ELP4: variants seen among roughly 807,000 people sequenced by gnomAD.
ELP4 encodes elongator complex protein 4.
Under a neutral mutation model 48.9 loss-of-function variants are expected in ELP4, and 51 were observed. That is an observed-to-expected ratio of 1.04 (90% CI 0.83 to 1.32). The LOEUF (loss-of-function observed/expected upper bound fraction) is 1.32, where lower values mean the gene tolerates loss of function less well. Ranked by LOEUF, ELP4 falls within the 40% of genes most tolerant of loss-of-function variation. ELP4 has a pLI of 0.00. For synonymous variants in ELP4, 210 were observed against 189.2 expected (o/e 1.11, Z -0.90); for missense variants, 519 against 514.6 (o/e 1.01, Z -0.08).
intron 9 of ELP4, among the ~76,000 whole-genome samples, chr11:31,750,681 C>T (rs905598969): frequency 6.6e-6 from 1 of 152,112 alleles, no homozygotes; most frequent in Non-Finnish European, 1.5e-5. Context: ...TTCCTCAGAG[C>T]CCTGAAACAG....
chr11:31,672,494 A>C (rs1027436604), intron 9 of ELP4, among the ~76,000 whole-genome samples: 1 of 152,184 alleles, frequency 6.6e-6, no homozygotes, highest in African/African-American at 2.4e-5. Context: ...ATGTGAATTG[A>C]AAGTAATAAT....
chr11:31,547,313 G>C (rs527693272), intron 3 of ELP4, among the ~76,000 whole-genome samples: 18 of 152,068 alleles, frequency 1.2e-4, no homozygotes, highest in African/African-American at 4.3e-4. Context: ...TATCACCACC[G>C]ATCCCACAGA....
chr11:31,750,965 A>C (rs1229183869), intron 9 of ELP4, among the ~76,000 whole-genome samples: 1 of 152,226 alleles, frequency 6.6e-6, no homozygotes, highest in East Asian at 1.9e-4. Context: ...ACAGAAGAGA[A>C]TTCTTCAGGC....
intron 9 of ELP4, chr11:31,663,639 A>G (rs2134094146): frequency 6.6e-6 from 1 of 152,158 alleles, no homozygotes; most frequent in Admixed American, 6.5e-5. Context: ...AGTCAAATTA[A>G]AACAGTAAGT....
At chr11:31,776,616 A>G (rs1490360005) in intron 9 of ELP4, among the ~76,000 whole-genome samples, 1 of 152,192 alleles carries the variant, frequency 6.6e-6, no homozygotes, top group Non-Finnish European at 1.5e-5. Context: ...TCTTTCAGAG[A>G]GGTGAATTTG....
At chr11:31,742,765 A>G (rs1024852711) in intron 9 of ELP4, among the ~76,000 whole-genome samples, 7 of 152,348 alleles carry the variant, frequency 4.6e-5, no homozygotes, top group Middle Eastern at 3.4e-3. Context: ...AAACATGGAA[A>G]GGATCAACCA....
intron 9 of ELP4, among the ~76,000 whole-genome samples, chr11:31,658,824 T>G (rs1945492782): frequency 6.6e-6 from 1 of 152,034 alleles, no homozygotes; most frequent in Non-Finnish European, 1.5e-5. Context: ...TTTTTCAAAT[T>G]TCTAATTTTT....
intron 9 of ELP4, chr11:31,654,123 A>C (rs1470446165): frequency 6.6e-6 from 1 of 151,804 alleles, no homozygotes; most frequent in East Asian, 1.9e-4. Context: ...ACCATCCATT[A>C]AGGTTTTCAC....
intron 9 of ELP4, among the ~76,000 whole-genome samples, chr11:31,673,979 A>C (rs1000326413): frequency 2.0e-5 from 3 of 152,232 alleles, no homozygotes; most frequent in Non-Finnish European, 4.4e-5. Context: ...ATGTTAGAGA[A>C]CTGCTTGCTT....
intron 9 of ELP4, among the ~76,000 whole-genome samples, chr11:31,695,474 A>C (rs1946381602): frequency 6.6e-6 from 1 of 151,862 alleles, no homozygotes; most frequent in African/African-American, 2.4e-5. Flanking sequence ...TGATTCGCGT[A>C]TGTTGAACCA....
intron 9 of ELP4, among the ~76,000 whole-genome samples, chr11:31,726,440 A>G (rs1330656938): frequency 1.3e-5 from 2 of 152,200 alleles, no homozygotes; most frequent in East Asian, 3.8e-4. Flanking sequence ...ACTGTAAGCA[A>G]TATTGGGATC....
At chr11:31,531,742 T>G (rs1168856341) in intron 2 of ELP4, among the ~76,000 whole-genome samples, 1 of 152,174 alleles carries the variant, frequency 6.6e-6, no homozygotes, top group African/African-American at 2.4e-5. Context: ...GAAAAGCCAT[T>G]TAAGTTTTTG....
chr11:31,746,886 A>T (rs1173154645), intron 9 of ELP4, among the ~76,000 whole-genome samples: 2 of 151,408 alleles, frequency 1.3e-5, no homozygotes, highest in African/African-American at 2.4e-5. Context: ...CTTAAAGTAT[A>T]ATAATAATAA....
At chr11:31,762,519 A>T (rs939335053) in intron 9 of ELP4, among the ~76,000 whole-genome samples, 7 of 152,054 alleles carry the variant, frequency 4.6e-5, no homozygotes, top group Non-Finnish European at 7.4e-5. Context: ...CTACAATAAG[A>T]ATCTTTTCAC....
chr11:31,512,791 G>GC (rs1380008337), intron 1 of ELP4, among the ~76,000 whole-genome samples: 55 of 49,460 alleles, frequency 1.1e-3, no homozygotes, highest in Non-Finnish European at 1.9e-3. Context: ...CCTGCCCTCC[G>GC]CCCCCCCTCC....
At chr11:31,613,972 A>G (rs958756543) in intron 5 of ELP4, among the ~76,000 whole-genome samples, 8 of 152,010 alleles carry the variant, frequency 5.3e-5, no homozygotes, top group Non-Finnish European at 7.4e-5. Flanking sequence ...TGGCCTCCCA[A>G]AGTTCTGGGA....
chr11:31,536,037 T>A (rs2133900835), intron 2 of ELP4, among the ~76,000 whole-genome samples: 1 of 152,326 alleles, frequency 6.6e-6, no homozygotes, highest in Non-Finnish European at 1.5e-5. Context: ...CAATCCTGGA[T>A]GTCCTTGGTA....
At chr11:31,661,620 A>G (rs1269332025) in intron 9 of ELP4, among the ~76,000 whole-genome samples, 1 of 152,038 alleles carries the variant, frequency 6.6e-6, no homozygotes. Context: ...ATGAATGGAT[A>G]AATGAATGAA....
chr11:31,758,424 T>C (rs1340818212), intron 9 of ELP4, among the ~76,000 whole-genome samples: 2 of 152,246 alleles, frequency 1.3e-5, no homozygotes, highest in Non-Finnish European at 1.5e-5. Context: ...GATAGACTTA[T>C]AGGAACTTGA....
Sources: gnomAD v4.1 joint callset for allele counts (sites outside exome capture counted in the v4.1 genomes callset) on GRCh38, gnomAD v4.1.1 for gene constraint, MANE v1.5 for transcripts, NCBI Gene and HGNC (gene_info 2026-07-23, HGNC 2026-07-21) for gene names.